Variants in PRDM7 observed in about 807,000 individuals in gnomAD.
PRDM7 encodes the protein PR/SET domain 7.
PRDM7 carries 52 observed loss-of-function variants against 64.3 expected under a neutral mutation model. The observed-to-expected ratio is 0.81, with a 90% CI of 0.65 to 1.02. The LOEUF is 1.02. Among genes scored for constraint, PRDM7 ranks in the 50% least tolerant of loss-of-function variants. The pLI, the probability that PRDM7 is intolerant of heterozygous loss-of-function variation, is 0.00. For synonymous variants in PRDM7, 192 were observed against 210.1 expected, an observed-to-expected ratio of 0.91 and a Z score of 0.74; for missense variants, 574 against 597.1, an observed-to-expected ratio of 0.96 and a Z score of 0.40.
At chr16:90,066,509 C>A (rs1225549897) in intron 5 of PRDM7, among the ~76,000 whole-genome samples, 1 of 151,060 alleles carries the variant, frequency 6.6e-6, no homozygotes, top group Non-Finnish European at 1.5e-5. Context: ...AATGTGATCC[C>A]AGGGATATAA....
At chr16:90,060,002 G>C (rs2037745156) in intron 10 of PRDM7, among the ~76,000 whole-genome samples, 1 of 152,216 alleles carries the variant, frequency 6.6e-6, no homozygotes, top group Non-Finnish European at 1.5e-5. Context: ...GTATCATTAA[G>C]AAATATCAAG....
At chr16:90,066,627 T>A (rs12445466) in intron 5 of PRDM7, among the ~76,000 whole-genome samples, 1 of 150,756 alleles carries the variant, frequency 6.6e-6, no homozygotes, top group Non-Finnish European at 1.5e-5. Context: ...ATGTAAAGTT[T>A]ATTCATGTAA....
chr16:90,057,868 TC>T lies in PRDM7; in HGVS notation c.*420del. The T allele has an allele frequency of 6.6e-7, 1 of 1,510,924 alleles. No individual in the cohort carries two copies. The highest frequency in any genetic ancestry group is 9.0e-7 in the Non-Finnish European group (1 of 1,108,938). The allele number at this position is 1,510,924 out of a possible 1,614,324, so 93.6% of individuals were successfully genotyped here. On this transcript the variant is annotated 3_prime_UTR_variant, in exon 11 of 11. Coordinates refer to ENST00000449207, the MANE Select transcript of PRDM7 (RefSeq NM_001098173.2). ...CATCCTTCCTGCAGACTGGGGCGTC[TC>T]CCCTGTGTGTCCTCTGGTGAATGAG...
rs748524019 is a variant in PRDM7 at position 90,056,772 on chromosome 16, C to G, written c.*1517G>C. The G allele has an allele frequency of 1.3e-5, 2 of 152,112 alleles. No individual in the cohort carries two copies. Among genetic ancestry groups the G allele is most frequent in the African/African-American group, 4.8e-5 (2 of 41,400 alleles). The allele number at this position is 152,112 out of a possible 1,614,324, so 9.4% of individuals were successfully genotyped here. On this transcript the variant is annotated 3_prime_UTR_variant, in exon 11 of 11. Coordinates refer to ENST00000449207, the MANE Select transcript of PRDM7 (RefSeq NM_001098173.2). ...ATGGTCAGAGTGGAACAGAACAGACCGGGAAGTTTCACAATGTCTTTCTAT... is the reference window on the plus strand; with the variant it reads ...ATGGTCAGAGTGGAACAGAACAGACGGGGAAGTTTCACAATGTCTTTCTAT...
intron 10 of PRDM7, among the ~76,000 whole-genome samples, chr16:90,059,604 CT>C (rs1359592460): frequency 6.6e-6 from 1 of 152,246 alleles, no homozygotes; most frequent in Admixed American, 6.5e-5. Context: ...CAAATGCTGT[CT>C]CCTAAGAGAA....
intron 5 of PRDM7, among the ~76,000 whole-genome samples, chr16:90,064,488 A>T (rs1053793706): frequency 2.6e-5 from 4 of 152,122 alleles, no homozygotes; most frequent in Non-Finnish European, 5.9e-5. Flanking sequence ...ATTTCAGCTC[A>T]CTGCAGCCTT....
At chr16:90,071,060 T>G (rs1011362991) in intron 4 of PRDM7, among the ~76,000 whole-genome samples, 8 of 152,214 alleles carry the variant, frequency 5.3e-5, no homozygotes, top group African/African-American at 9.6e-5. Flanking sequence ...TTAGAACACT[T>G]GCTTATTGTT....
chr16:90,065,340 C>T lies in PRDM7; in HGVS notation c.351+1521G>A, dbSNP rs538388013. ...CCCAGGAGGTGGAGGTTGCAGTGAG[C>T]CGAGATCGCGCCACTGCACTCCAGC... On this transcript the variant is annotated intron_variant, in intron 5 of 10. Coordinates refer to ENST00000449207, the MANE Select transcript of PRDM7 (RefSeq NM_001098173.2). Among the ~76,000 whole-genome samples the T allele has an allele frequency of 8.7e-4, 123 of 141,412 alleles. 2 individuals are homozygous for T. Among genetic ancestry groups the T allele is most frequent in the African/African-American group, 3.0e-3 (110 of 36,588 alleles). The allele number at this position is 141,412 out of a possible 152,430, so 92.8% of individuals were successfully genotyped here. A position where few individuals can be genotyped will look rare whatever the true frequency, so the allele number is the denominator to read the frequency against.
chr16:90,076,263 G>A (rs2038035133), intron 1 of PRDM7, among the ~76,000 whole-genome samples: 1 of 152,192 alleles, frequency 6.6e-6, no homozygotes, highest in South Asian at 2.1e-4. Context: ...GGTGCCTGGA[G>A]GGTTGTAGCT....
chr16:90,062,029 A>G lies in PRDM7; in HGVS notation c.774T>C (p.Leu258=). The G allele has an allele frequency of 6.2e-7, 1 of 1,614,196 alleles. No homozygotes were observed. The highest frequency in any genetic ancestry group is 1.1e-5 in the South Asian group (1 of 91,088). The stretch of plus-strand genomic sequence containing the variant: ...GATCAGATGCCTCGTTCCATACTCC[A>G]AGCCCAGCCTGAGGGATGCCTGATG... ...IGPSGIPQAG[L]GVWNEASDLP... Residue 258 remains leucine, a synonymous_variant, in exon 8 of 11, where the codon CTT becomes CTC. Transcript: ENST00000449207.
In PRDM7 at chr16:90,057,138, GCA is replaced by G. The variant is rs2037698161; in HGVS notation, c.*1149_*1150del. 1 of 152,518 alleles carries G rather than the reference GCA, an allele frequency of 6.6e-6. No individual in the cohort carries two copies. The highest frequency in any genetic ancestry group is 2.4e-5 in the African/African-American group (1 of 41,388). The allele number at this position is 152,518 out of a possible 1,614,324, so 9.4% of individuals were successfully genotyped here. A position where few individuals can be genotyped will look rare whatever the true frequency, so the allele number is the denominator to read the frequency against. ...CATGCATGCAGGCTTAACACACATA[GCA>G]CACGTGAACACATATATACACACAT... is the stretch of plus-strand genomic sequence containing the variant. On this transcript the variant is annotated 3_prime_UTR_variant, in exon 11 of 11. Transcript: ENST00000449207.
chr16:90,060,801 C>G (rs1044762341), intron 9 of PRDM7, among the ~76,000 whole-genome samples, 178 bp from the exon 10 acceptor site: 1 of 152,216 alleles, frequency 6.6e-6, no homozygotes, highest in East Asian at 1.9e-4. Context: ...TGACCTCTAG[C>G]TTCTCTAAAC....
At position 90,061,461 on chromosome 16, in the gene PRDM7, T is replaced by G. The variant is rs772536195; in HGVS notation, c.941A>C (p.Asn314Thr). 3 of 1,601,078 alleles carry G rather than the reference T, an allele frequency of 1.9e-6. No homozygotes were observed. The highest frequency in any genetic ancestry group is 2.6e-6 in the Non-Finnish European group (3 of 1,168,094). The change falls in exon 9 of 11, where the codon AAC becomes ACC. Residue 314 changes from asparagine to threonine, a missense_variant. By Grantham distance (65) the Asn-to-Thr change is moderately conservative. Coordinates refer to ENST00000449207, the MANE Select transcript of PRDM7 (RefSeq NM_001098173.2). ...GACCTAGTGGCCTTACCTCATCCAG[T>G]TGGCCGAGGATTTATCTTTTCCATC... ...YVDGKDKSSA[N>T]WMRYVNCARD...
intron 5 of PRDM7, among the ~76,000 whole-genome samples, chr16:90,065,999 G>T (rs1202000495): frequency 6.6e-6 from 1 of 151,200 alleles, no homozygotes; most frequent in Admixed American, 6.6e-5. Context: ...CAGCAGGCAG[G>T]CTAAACAAAT....
At chr16:90,069,730 G>A (rs1257278067) in intron 4 of PRDM7, among the ~76,000 whole-genome samples, 1 of 151,056 alleles carries the variant, frequency 6.6e-6, no homozygotes, top group Non-Finnish European at 1.5e-5. Context: ...AACATAGTGA[G>A]ACCTCTGTCT....
rs974687882 is a variant in PRDM7 at position 90,075,650 on chromosome 16, T to C, written c.70-176A>G. Among the ~76,000 whole-genome samples the C allele has an allele frequency of 2.0e-5, 3 of 152,226 alleles. No homozygotes were observed. The highest frequency in any genetic ancestry group is 4.4e-5 in the Non-Finnish European group (3 of 68,036). ...TTAACTGAGCAGACACTGAGCATTT[T>C]CCTAGCTCTCTGCTGACACAGAGCA... On this transcript the variant is annotated intron_variant, in intron 2 of 10. Coordinates refer to ENST00000449207, the MANE Select transcript of PRDM7 (RefSeq NM_001098173.2). The surrounding 1 kb of genome is among the most constrained non-coding windows in gnomAD (Gnocchi z 4.3).
intron 9 of PRDM7, 146 bp downstream of exon 9, chr16:90,061,306 G>C: frequency 1.4e-6 from 1 of 722,572 alleles, no homozygotes; most frequent in Non-Finnish European, 2.2e-6. Context: ...ATTTCTAAAA[G>C]TTGATGGTAT....
Position 90,075,391 on chromosome 16 carries a change from A to T in PRDM7, c.153T>A (p.Tyr51Ter), listed in dbSNP as rs1442864693. 1.2e-6 allele frequency: 2 copies of T among 1,614,074 alleles called. No individual in the cohort carries two copies. Among genetic ancestry groups the T allele is most frequent in the Middle Eastern group, 1.6e-4 (1 of 6,084 alleles). Residue 51 changes from tyrosine (Y) to a stop codon, truncating the protein, a stop_gained, in exon 3 of 11, where the codon TAT becomes TAA. Transcript: ENST00000449207. LOFTEE classifies it high-confidence loss of function. This position sits in a 1 kb window ranked among gnomAD's most constrained non-coding sequence, Gnocchi z 4.3. ...CATTATAGTTCATTTTCACATTCCT[A>T]TAGCGAGTTTTCTCCCAGTCTCCCA... ...AEMGDWEKTR[Y>*]RNVKMNYNAL...
chr16:90,058,346 G>T lies in PRDM7; in HGVS notation c.1422C>A (p.His474Gln), dbSNP rs761480281. The T allele has an allele frequency of 1.9e-6, 3 of 1,614,118 alleles. No homozygotes were observed. The highest frequency in any genetic ancestry group is 2.2e-5 in the South Asian group (2 of 91,080). The change falls in exon 11 of 11, where the codon CAC becomes CAA. Residue 474 changes from histidine (H) to glutamine (Q), a missense_variant. His to Gln is a conservative substitution (Grantham distance 24). Transcript: ENST00000449207. ...IRIRSGNILI[H>Q]AAVMTKPKVK... Reference sequence around the variant, plus strand: ...CCTTTGGTTTTGTCATTACAGCAGCGTGGATCAGAATATTGCCGCTCCTGA... The same window carrying T: ...CCTTTGGTTTTGTCATTACAGCAGCTTGGATCAGAATATTGCCGCTCCTGA...
Sources: allele counts gnomAD v4.1 joint callset (sites outside exome capture counted in the v4.1 genomes callset), GRCh38; gene constraint gnomAD v4.1.1; non-coding constraint Gnocchi (gnomAD v3.1); transcripts MANE v1.5; gene names NCBI Gene and HGNC (gene_info 2026-07-23, HGNC 2026-07-21).